The following RBFOX2 variants were observed in gnomAD, a reference collection of about 807,000 sequenced individuals.
RBFOX2 encodes RNA binding fox-1 homolog 2, also known as RNA binding protein fox-1 homolog 2.
A neutral mutation model predicts 49.1 loss-of-function variants in RBFOX2; 10 were observed. The ratio of observed to expected loss-of-function variants is 0.20; its 90% CI spans 0.13 to 0.35. The LOEUF (loss-of-function observed/expected upper bound fraction) is 0.35. RBFOX2 is among the 10% of genes least tolerant of loss of function. The probability of loss-of-function intolerance (pLI) is 1.00; values close to 1 mark genes in which losing one functional copy is unlikely to be tolerated. For missense variants in RBFOX2, 323 were observed against 486.9 expected (o/e 0.66, Z 3.17); for synonymous variants, 183 against 187.4 (o/e 0.98, Z 0.19).
At chr22:35,827,317 A>G (rs1312993005) in intron 1 of RBFOX2, among the ~76,000 whole-genome samples, 1 of 152,216 alleles carries the variant, frequency 6.6e-6, no homozygotes, top group Non-Finnish European at 1.5e-5. Context: ...AAGATTTGCA[A>G]GGGCAGGTAA....
intron 1 of RBFOX2, among the ~76,000 whole-genome samples, chr22:36,018,896 GAGCCAC>G (rs1385637521): frequency 6.6e-6 from 1 of 152,178 alleles, no homozygotes; most frequent in African/African-American, 2.4e-5. Flanking sequence ...TTACAGGCAT[GAGCCAC>G]CGCACCTGGC....
chr22:35,937,778 C>G (rs762788692), intron 1 of RBFOX2, among the ~76,000 whole-genome samples: 2 of 151,862 alleles, frequency 1.3e-5, no homozygotes, highest in Non-Finnish European at 2.9e-5. Flanking sequence ...TTTAGTAGAG[C>G]CGGGGTTTCA....
rs1184587980 is a variant in RBFOX2, at chr22:35,897,396, C to T, written c.-34+41451G>A. 9.7e-6 allele frequency: 10 copies of T among 1,028,204 alleles called. No homozygotes were observed. In the South Asian group the frequency reaches 1.0e-4, roughly 10 times the overall value. 63.7% of individuals were successfully genotyped at this position (1,028,204 alleles called of 1,614,324 possible). On this transcript the variant is annotated intron_variant, in intron 1 of 13. Transcript: ENST00000359369. ...TGCCTGAATACCAAGGTCTTCTAAGCTGGGCAGGTGAGACAAGGTCATGTC... is the reference window on the plus strand; with the variant it reads ...TGCCTGAATACCAAGGTCTTCTAAGTTGGGCAGGTGAGACAAGGTCATGTC...
At chr22:35,994,682 A>C (rs2150125129) in intron 1 of RBFOX2, 1 of 152,222 alleles carries the variant, frequency 6.6e-6, no homozygotes, top group Middle Eastern at 3.4e-3. Flanking sequence ...CTGGAATTAC[A>C]AGCGTGAGGT....
At chr22:35,784,238 C>A (rs1426501743) in intron 2 of RBFOX2, among the ~76,000 whole-genome samples, 1 of 152,184 alleles carries the variant, frequency 6.6e-6, no homozygotes, top group Non-Finnish European at 1.5e-5. Context: ...TTAGGGAGAG[C>A]TTCTGATATG....
chr22:35,847,563 T>C (rs929328193), intron 1 of RBFOX2, among the ~76,000 whole-genome samples: 3 of 152,164 alleles, frequency 2.0e-5, no homozygotes, highest in Admixed American at 1.3e-4. Context: ...AACCATCTAC[T>C]ACTCATTTAT....
At position 35,846,057 on chromosome 22, in the gene RBFOX2, G is replaced by A. The variant is rs1388611329; in HGVS notation, c.-33-36053C>T. On this transcript the variant is annotated intron_variant, in intron 1 of 13. Transcript: ENST00000359369. ...ATAAGTATAAACTATACTTGCATAT[G>A]TTAATATAATTACATACACTATATA... 4.0e-5 allele frequency among the ~76,000 whole-genome samples: 6 copies of A among 149,858 alleles called. 1 individual carries two copies. In the East Asian group the frequency reaches 7.8e-4, roughly 19 times the overall value.
At chr22:35,845,257 T>C (rs1010429260), upstream of RBFOX2, among the ~76,000 whole-genome samples, 2 of 152,154 alleles carry the variant, frequency 1.3e-5, no homozygotes, top group Non-Finnish European at 2.9e-5. Flanking sequence ...GCACCTCTAA[T>C]ACAATACCAC....
chr22:35,754,069 G>A (rs143909646), intron 9 of RBFOX2, among the ~76,000 whole-genome samples: 282 of 144,766 alleles, frequency 1.9e-3, no homozygotes, highest in African/African-American at 6.7e-3. Context: ...ACACGTGAGC[G>A]ATGATGCCTG....
At chr22:35,804,572 G>T (rs1221344471) in intron 2 of RBFOX2, among the ~76,000 whole-genome samples, 1 of 152,088 alleles carries the variant, frequency 6.6e-6, no homozygotes, top group Non-Finnish European at 1.5e-5. Flanking sequence ...ACAATCAGCT[G>T]ACTCCCATGG....
chr22:35,983,574 TCAC>T (rs1394814042), intron 1 of RBFOX2, among the ~76,000 whole-genome samples: 1 of 152,150 alleles, frequency 6.6e-6, no homozygotes, highest in African/African-American at 2.4e-5. Context: ...TAACATCATA[TCAC>T]CACATTTTGC....
chr22:36,007,666 G>C (rs560476504), intron 1 of RBFOX2, among the ~76,000 whole-genome samples: 1 of 152,098 alleles, frequency 6.6e-6, no homozygotes, highest in East Asian at 1.9e-4. Flanking sequence ...TTATTCCTCT[G>C]TCTCTCAATG....
chr22:35,803,508 T>C (rs2147938735), intron 2 of RBFOX2, among the ~76,000 whole-genome samples: 1 of 152,102 alleles, frequency 6.6e-6, no homozygotes, highest in East Asian at 1.9e-4. Flanking sequence ...AGACCCTGCC[T>C]CTACAAAAAA....
intron 1 of RBFOX2, among the ~76,000 whole-genome samples, chr22:35,969,784 T>C (rs888874194): frequency 1.3e-5 from 2 of 152,252 alleles, no homozygotes; most frequent in Non-Finnish European, 2.9e-5. Flanking sequence ...GAAAGGAGTT[T>C]CTTTCTGAGA....
At chr22:35,813,843 G>A (rs1405181600) in intron 1 of RBFOX2, among the ~76,000 whole-genome samples, 1 of 152,198 alleles carries the variant, frequency 6.6e-6, no homozygotes, top group Non-Finnish European at 1.5e-5. Context: ...GCATAACAAG[G>A]GATAACACAG....
intron 1 of RBFOX2, among the ~76,000 whole-genome samples, chr22:35,816,900 C>T (rs1953200812): frequency 6.6e-6 from 1 of 152,166 alleles, no homozygotes; most frequent in South Asian, 2.1e-4. Context: ...TTACCTTGTT[C>T]TTTGAAAGCA....
At chr22:35,854,903 AAC>A (rs1217414141) in intron 1 of RBFOX2, among the ~76,000 whole-genome samples, 2 of 152,148 alleles carry the variant, frequency 1.3e-5, no homozygotes, top group African/African-American at 2.4e-5. Flanking sequence ...TATAAGACAA[AAC>A]ACACTACAAA....
intron 1 of RBFOX2, among the ~76,000 whole-genome samples, chr22:35,850,262 G>A (rs1485749741): frequency 6.6e-6 from 1 of 150,790 alleles, no homozygotes; most frequent in Admixed American, 6.6e-5. Context: ...GGCAGAGACA[G>A]GTGTTAGGAT....
chr22:35,755,401 A>C (rs904341673), intron 9 of RBFOX2, among the ~76,000 whole-genome samples: 6 of 152,256 alleles, frequency 3.9e-5, no homozygotes, highest in African/African-American at 1.4e-4. Flanking sequence ...AATGGAGTCC[A>C]TATTACTATG....
Sources: allele counts gnomAD v4.1 joint callset (sites outside exome capture counted in the v4.1 genomes callset), GRCh38; gene constraint gnomAD v4.1.1; transcripts MANE v1.5; gene names NCBI Gene and HGNC (gene_info 2026-07-23, HGNC 2026-07-21).